Variants in EEF2 observed in about 807,000 individuals in gnomAD.
EEF2 encodes the protein elongation factor 2.
EEF2 carries 21 observed loss-of-function variants against 85.3 expected under a neutral mutation model. That is an observed-to-expected ratio of 0.25 (90% CI 0.17 to 0.35). The LOEUF is 0.35. EEF2 is among the 10% of genes least tolerant of loss of function. EEF2 has a pLI of 1.00. For missense variants in EEF2, 825 were observed against 1,225.3 expected (o/e 0.67, Z 4.88); for synonymous variants, 723 against 508.8 (o/e 1.42, Z -5.67).
rs1288212104 is a variant in EEF2 at position 3,985,416 on chromosome 19, C to G, written c.-36G>C. ...GGCGGTGGATTCTCCCAGGTAGAAC[C>G]GAAAGAAGCGAGTCGCGCCGAGGAT... On this transcript the variant is annotated 5_prime_UTR_variant, in exon 1 of 15. Coordinates refer to ENST00000309311, the MANE Select transcript of EEF2 (RefSeq NM_001961.4). The G allele has an allele frequency of 1.4e-6, 2 of 1,480,794 alleles. No individual in the cohort carries two copies. Among genetic ancestry groups the G allele is most frequent in the Admixed American group, 4.6e-5 (2 of 43,124 alleles). The allele number at this position is 1,480,794 out of a possible 1,614,324, so 91.7% of individuals were successfully genotyped here.
At position 3,980,119 on chromosome 19, in the gene EEF2, T is replaced by C. The variant is rs1390837932; in HGVS notation, c.1347-53A>G. On this transcript the variant is annotated intron_variant, in intron 9 of 14. Coordinates refer to ENST00000309311, the MANE Select transcript of EEF2 (RefSeq NM_001961.4). ...CCGCAGGGATGGTTGTGCTGGACCCTGGAGGGCCAGGGCAGGTCCCTCCCG... is the reference window on the plus strand; with the variant it reads ...CCGCAGGGATGGTTGTGCTGGACCCCGGAGGGCCAGGGCAGGTCCCTCCCG... 2.8e-5 allele frequency: 45 copies of C among 1,579,596 alleles called. No homozygotes were observed. The South Asian group carries it at 3.9e-4, about 14-fold the overall frequency.
intron 14 of EEF2, among the ~76,000 whole-genome samples, 183 bp from the exon 15 acceptor site, chr19:3,976,930 G>C (rs371814445): frequency 6.6e-6 from 1 of 152,250 alleles, no homozygotes; most frequent in Admixed American, 6.5e-5. Flanking sequence ...GCCGCTGCTC[G>C]TTTGGGACAA....
At chr19:3,983,963 C>T in intron 2 of EEF2, 173 bp downstream of exon 2, 1 of 691,826 alleles carries the variant, frequency 1.4e-6, no homozygotes, top group South Asian at 1.9e-5. Flanking sequence ...ACCCCGAATC[C>T]CTGTGCCTCT....
chr19:3,983,368 C>G (rs1007149284), intron 2 of EEF2, 77 bp from the exon 3 acceptor site: 3 of 1,470,282 alleles, frequency 2.0e-6, no homozygotes, highest in Middle Eastern at 1.8e-4. Flanking sequence ...TGTCAGAAGC[C>G]AGGCTGCTCC....
chr19:3,982,208 G>C (rs774621018), intron 5 of EEF2, 38 bp downstream of exon 5: 3 of 1,610,444 alleles, frequency 1.9e-6, no homozygotes, highest in South Asian at 1.1e-5. Flanking sequence ...ACTACCCCCA[G>C]GTGTCAGGAA....
intron 6 of EEF2, 28 bp downstream of exon 6, chr19:3,981,919 C>A (rs375347198): frequency 6.2e-7 from 1 of 1,603,634 alleles, no homozygotes; most frequent in Non-Finnish European, 8.5e-7. Context: ...GTCGCATCGG[C>A]GGGGTGCCTG....
At chr19:3,983,616 A>C (rs533147203) in intron 2 of EEF2, among the ~76,000 whole-genome samples, 1 of 152,064 alleles carries the variant, frequency 6.6e-6, no homozygotes, top group East Asian at 1.9e-4. Flanking sequence ...GCCTCCAGAG[A>C]CTCCGACCCT....
rs2039695040 is a variant in EEF2, at chr19:3,977,702, A to T, written c.2068-92T>A. ...AGTCCTGCAGGTCTCCACCAGGGGG[A>T]CCTGGGGCCTTGCCCGCCTTGGCCC... On this transcript the variant is annotated intron_variant, in intron 12 of 14. Coordinates refer to ENST00000309311, the MANE Select transcript of EEF2 (RefSeq NM_001961.4). This position sits in a 1 kb window ranked among gnomAD's most constrained non-coding sequence, Gnocchi z 5.4. The T allele has an allele frequency of 6.8e-7, 1 of 1,476,462 alleles. No individual in the cohort carries two copies. Among genetic ancestry groups the T allele is most frequent in the African/African-American group, 1.4e-5 (1 of 71,172 alleles). 91.5% of individuals were successfully genotyped at this position (1,476,462 alleles called of 1,614,324 possible). A position where few individuals can be genotyped will look rare whatever the true frequency, so the allele number is the denominator to read the frequency against.
At chr19:3,981,502 G>A (rs1474707441) in intron 6 of EEF2, 50 bp from the exon 7 acceptor site, 15 of 1,550,046 alleles carry the variant, frequency 9.7e-6, no homozygotes, top group African/African-American at 5.4e-5. Flanking sequence ...ACAGCAGGAG[G>A]AAGCCTGGCA....
rs545591762 is a variant in EEF2 at position 3,980,994 on chromosome 19, A to C, written c.1012-15T>G. On this transcript the variant is annotated splice_polypyrimidine_tract_variant and intron_variant, in intron 7 of 14. Coordinates refer to ENST00000309311, the MANE Select transcript of EEF2 (RefSeq NM_001961.4). ...CGCATCACAGCCTGCGGGGGCAGAGAGCGGTGCATGAGACACCTGGGGAGC... is the reference window on the plus strand; with the variant it reads ...CGCATCACAGCCTGCGGGGGCAGAGCGCGGTGCATGAGACACCTGGGGAGC... 13 of 1,564,536 alleles carry C rather than the reference A, an allele frequency of 8.3e-6. No individual in the cohort carries two copies. Among genetic ancestry groups the C allele is most frequent in the East Asian group, 2.4e-5 (1 of 42,528 alleles).
chr19:3,981,768 A>C (rs771862484), intron 6 of EEF2, among the ~76,000 whole-genome samples, 179 bp downstream of exon 6: 3 of 152,252 alleles, frequency 2.0e-5, no homozygotes, highest in African/African-American at 4.8e-5. Context: ...CTGGCTATGC[A>C]GTCCAGATCT....
intron 10 of EEF2, 86 bp from the exon 11 acceptor site, chr19:3,979,522 C>A: frequency 1.7e-6 from 2 of 1,188,674 alleles, no homozygotes; most frequent in South Asian, 1.4e-5. Context: ...AGCTAGGGAC[C>A]CCGCCAGAAC....
In EEF2 at chr19:3,977,606, G is replaced by T; in HGVS notation, c.2072C>A (p.Ala691Glu). The change falls in exon 13 of 15, where the codon GCA (alanine) becomes GAA (glutamate). Residue 691 changes from alanine (A) to glutamate (E), a missense_variant. Ala to Glu is a moderately radical substitution (Grantham distance 107). Coordinates refer to ENST00000309311, the MANE Select transcript of EEF2 (RefSeq NM_001961.4). The surrounding 1 kb of genome is among the most constrained non-coding windows in gnomAD (Gnocchi z 5.4). ...ACCCCGCATGTTCTCCTCACACAGT[G>T]CGCCCTGGGGGAGGGGGAGAGCCAC... ...AGFQWATKEG[A>E]LCEENMRGVR... is the part of the protein sequence containing the mutation. 1 of 1,517,152 alleles carries T rather than the reference G, an allele frequency of 6.6e-7. No homozygotes were observed. The allele number at this position is 1,517,152 out of a possible 1,614,324, so 94.0% of individuals were successfully genotyped here. A position where few individuals can be genotyped will look rare whatever the true frequency, so the allele number is the denominator to read the frequency against.
intron 7 of EEF2, 42 bp from the exon 8 acceptor site, chr19:3,981,021 C>G (rs1411628276): frequency 6.5e-7 from 1 of 1,545,688 alleles, no homozygotes; most frequent in Non-Finnish European, 8.7e-7. Context: ...CTGGGGAGCC[C>G]AGGATGGCCC....
chr19:3,981,425 T>C lies in EEF2; in HGVS notation c.925A>G (p.Lys309Glu), dbSNP rs761390695. ...TCTATCAGTTTTGCTGTCTCCTCTTTCTTGAAATTCATGATCGCATCAAAC... is the reference window on the plus strand; with the variant it reads ...TCTATCAGTTTTGCTGTCTCCTCTTCCTTGAAATTCATGATCGCATCAAAC... The part of the protein sequence containing the change: ...KVFDAIMNFK[K>E]EETAKLIEKL... Residue 309 changes from lysine to glutamate, a missense_variant, in exon 7 of 15, where the codon AAA (lysine) becomes GAA (glutamate). By Grantham distance (56) the Lys-to-Glu change is moderately conservative. Coordinates refer to ENST00000309311, the MANE Select transcript of EEF2 (RefSeq NM_001961.4). 20 of 1,614,024 alleles carry C rather than the reference T, an allele frequency of 1.2e-5. No individual in the cohort carries two copies. The highest frequency in any genetic ancestry group is 1.7e-5 in the Non-Finnish European group (20 of 1,180,050).
At position 3,982,432 on chromosome 19, in the gene EEF2, T is replaced by A. The variant is rs762311851; in HGVS notation, c.613-8A>T. The A allele has an allele frequency of 3.1e-6, 5 of 1,613,786 alleles. No homozygotes were observed. In the Admixed American group the frequency reaches 8.3e-5, roughly 27 times the overall value. Reference sequence around the variant, plus strand: ...ACCGAGGACAGGATCGATCTGGAAGTGTGAGAAACGAGAAGCAGCCGTGAG... The same window carrying A: ...ACCGAGGACAGGATCGATCTGGAAGAGTGAGAAACGAGAAGCAGCCGTGAG... On this transcript the variant is annotated splice_region_variant and splice_polypyrimidine_tract_variant and intron_variant, in intron 4 of 14. Coordinates refer to ENST00000309311, the MANE Select transcript of EEF2 (RefSeq NM_001961.4).
Position 3,982,600 on chromosome 19 carries a change from G to A in EEF2, c.613-176C>T, listed in dbSNP as rs866311475. The A allele has an allele frequency of 5.6e-6, 6 of 1,063,096 alleles. No individual in the cohort carries two copies. The East Asian group carries it at 7.1e-5, about 13-fold the overall frequency. The allele number at this position is 1,063,096 out of a possible 1,614,324, so 65.9% of individuals were successfully genotyped here. On this transcript the variant is annotated intron_variant, in intron 4 of 14. Coordinates refer to ENST00000309311, the MANE Select transcript of EEF2 (RefSeq NM_001961.4). ...GGGGGCCAGCCCCTCCACCACCCAG[G>A]GCAGCGTTCCCTGAGCTCGTCTCTT...
chr19:3,984,035 A>G, intron 2 of EEF2, 101 bp downstream of exon 2: 1 of 1,256,442 alleles, frequency 8.0e-7, no homozygotes, highest in South Asian at 1.3e-5. Flanking sequence ...ACCAGGGGAA[A>G]GAGACGTTGC....
intron 4 of EEF2, 189 bp downstream of exon 4, chr19:3,982,618 C>G: frequency 2.9e-6 from 3 of 1,048,348 alleles, no homozygotes; most frequent in East Asian, 2.4e-5. Flanking sequence ...TCCCTGAGCT[C>G]GTCTCTTCCA....
Sources: allele counts gnomAD v4.1 joint callset (sites outside exome capture counted in the v4.1 genomes callset), GRCh38; gene constraint gnomAD v4.1.1; non-coding constraint Gnocchi (gnomAD v3.1); transcripts MANE v1.5; gene names NCBI Gene and HGNC (gene_info 2026-07-23, HGNC 2026-07-21).